The following GALNTL6 variants were observed in gnomAD, a reference collection of about 807,000 sequenced individuals.
The protein encoded by GALNTL6 is polypeptide N-acetylgalactosaminyltransferase like 6, also known as polypeptide N-acetylgalactosaminyltransferase-like 6.
Under a neutral mutation model 73.7 loss-of-function variants are expected in GALNTL6, and 46 were observed. The observed-to-expected ratio is 0.62, with a 90% CI of 0.49 to 0.80. The LOEUF is 0.80. Among genes scored for constraint, GALNTL6 ranks in the 30% least tolerant of loss-of-function variants. The pLI is 0.00. For synonymous variants in GALNTL6, 259 were observed against 263.7 expected (o/e 0.98, Z 0.17); for missense variants, 604 against 755.0 (o/e 0.80, Z 2.34).
intron 5 of GALNTL6, among the ~76,000 whole-genome samples, chr4:172,430,040 T>C (rs1731381291): frequency 6.6e-6 from 1 of 151,866 alleles, no homozygotes; most frequent in Non-Finnish European, 1.5e-5. Flanking sequence ...CAACTTAGTA[T>C]GAATGCGATT....
At chr4:172,833,864 C>G (rs577915818) in intron 7 of GALNTL6, among the ~76,000 whole-genome samples, 1 of 152,158 alleles carries the variant, frequency 6.6e-6, no homozygotes, top group African/African-American at 2.4e-5. Context: ...CAAGAAAAGA[C>G]TCCCCTTTGG....
chr4:172,165,773 T>G (rs1331878655), intron 2 of GALNTL6, among the ~76,000 whole-genome samples: 1 of 152,124 alleles, frequency 6.6e-6, no homozygotes, highest in African/African-American at 2.4e-5. Context: ...CTTATGAAAA[T>G]AAATCATTGT....
chr4:172,869,843 A>G (rs1275953936), intron 7 of GALNTL6, among the ~76,000 whole-genome samples: 1 of 152,162 alleles, frequency 6.6e-6, no homozygotes, highest in Non-Finnish European at 1.5e-5. Flanking sequence ...ACCCATGCAT[A>G]AACTAATCAA....
chr4:172,308,775 T>TTAAACATTTCCGCACGTTATA (rs1740249243), intron 3 of GALNTL6, among the ~76,000 whole-genome samples: 1 of 152,210 alleles, frequency 6.6e-6, no homozygotes, highest in Admixed American at 6.5e-5. Context: ...TTTATGTCGT[T>TTAAACATTTCCGCACGTTATA]TAAACATTTC....
At chr4:172,706,689 A>C (rs1433563306) in intron 5 of GALNTL6, among the ~76,000 whole-genome samples, 1 of 151,970 alleles carries the variant, frequency 6.6e-6, no homozygotes, top group Non-Finnish European at 1.5e-5. Flanking sequence ...ATTTGCCATA[A>C]CTCTTGAAAA....
chr4:172,202,218 T>C (rs1735978448), intron 2 of GALNTL6, among the ~76,000 whole-genome samples: 1 of 152,224 alleles, frequency 6.6e-6, no homozygotes. Flanking sequence ...TGTAATTGCA[T>C]GGACTTTGCT....
At chr4:173,009,990 TTG>T (rs1168527619) in intron 11 of GALNTL6, among the ~76,000 whole-genome samples, 12 of 152,252 alleles carry the variant, frequency 7.9e-5, no homozygotes, top group Admixed American at 7.9e-4. Context: ...CATTTATCCT[TTG>T]TGTTACAAAC....
chr4:172,313,677 A>G (rs1478216613), intron 4 of GALNTL6, among the ~76,000 whole-genome samples: 2 of 152,220 alleles, frequency 1.3e-5, no homozygotes, highest in Non-Finnish European at 2.9e-5. Context: ...AGAAAGCATT[A>G]TTATAAATGT....
chr4:172,687,000 G>C (rs1042134684), intron 5 of GALNTL6, among the ~76,000 whole-genome samples: 102 of 152,256 alleles, frequency 6.7e-4, no homozygotes, highest in African/African-American at 2.3e-3. Context: ...CCATTCTCCA[G>C]GGAAGGGGAC....
intron 5 of GALNTL6, among the ~76,000 whole-genome samples, chr4:172,526,593 A>G (rs1258055954): frequency 6.6e-6 from 1 of 152,140 alleles, no homozygotes; most frequent in Non-Finnish European, 1.5e-5. Context: ...AGTGGTTTTT[A>G]ATCTGTCTTT....
At chr4:172,184,906 A>G (rs1735371443) in intron 2 of GALNTL6, among the ~76,000 whole-genome samples, 1 of 152,208 alleles carries the variant, frequency 6.6e-6, no homozygotes, top group Non-Finnish European at 1.5e-5. Flanking sequence ...CGATAATGGC[A>G]TTAATCCATT....
intron 2 of GALNTL6, among the ~76,000 whole-genome samples, chr4:172,179,598 T>C (rs1011849808): frequency 4.2e-5 from 6 of 143,814 alleles, no homozygotes; most frequent in Admixed American, 1.4e-4. Context: ...TTCTCCCATT[T>C]TGTAGGTTGG....
At chr4:172,513,561 G>T (rs2110796010) in intron 5 of GALNTL6, among the ~76,000 whole-genome samples, 1 of 152,282 alleles carries the variant, frequency 6.6e-6, no homozygotes, top group South Asian at 2.1e-4. Context: ...TCAGAGGAAA[G>T]ATCTGGGACT....
intron 5 of GALNTL6, among the ~76,000 whole-genome samples, chr4:172,601,992 T>A (rs1007736511): frequency 1.3e-5 from 2 of 151,970 alleles, no homozygotes; most frequent in Admixed American, 1.3e-4. Context: ...ACACTTCTTA[T>A]AAGTGGGGCA....
intron 7 of GALNTL6, among the ~76,000 whole-genome samples, chr4:172,828,698 T>C (rs1489403021): frequency 6.6e-6 from 1 of 152,188 alleles, no homozygotes; most frequent in African/African-American, 2.4e-5. Context: ...ACAATTCTCA[T>C]GTATTTAAAA....
intron 2 of GALNTL6, among the ~76,000 whole-genome samples, chr4:172,086,736 G>A (rs1055205854): frequency 6.6e-6 from 1 of 151,920 alleles, no homozygotes; most frequent in African/African-American, 2.4e-5. Context: ...TATCAAGTTG[G>A]CATTCTTATT....
intron 2 of GALNTL6, among the ~76,000 whole-genome samples, chr4:172,206,792 G>T (rs375187987): frequency 0.08 from 2,733 of 34,076 alleles, 954 homozygotes; most frequent in East Asian, 0.29. Context: ...GTTTTGTTTT[G>T]TTTTGTTTTT....
chr4:172,915,425 C>T (rs970418402), intron 8 of GALNTL6, among the ~76,000 whole-genome samples: 3 of 151,920 alleles, frequency 2.0e-5, no homozygotes, highest in Non-Finnish European at 4.4e-5. Context: ...GATAGAGACA[C>T]AAAAAAACCT....
chr4:172,552,260 A>T (rs9995169), intron 5 of GALNTL6, among the ~76,000 whole-genome samples: 126,597 of 152,102 alleles, frequency 0.83, 52,821 homozygotes, highest in Non-Finnish European at 0.87. Context: ...TTTTAATGAA[A>T]TGTAATTTCT....
Sources: gnomAD v4.1 joint callset for allele counts (sites outside exome capture counted in the v4.1 genomes callset) on GRCh38, gnomAD v4.1.1 for gene constraint, MANE v1.5 for transcripts, NCBI Gene and HGNC (gene_info 2026-07-23, HGNC 2026-07-21) for gene names.